Variants in ZNF438 observed in about 807,000 individuals in gnomAD.
ZNF438 encodes the protein zinc finger protein 438.
ZNF438 carries 25 observed loss-of-function variants against 38.0 expected under a neutral mutation model. That is an observed-to-expected ratio of 0.66 (90% CI 0.48 to 0.92). The LOEUF (loss-of-function observed/expected upper bound fraction) is 0.92, where lower values mean the gene tolerates loss of function less well. ZNF438 is among the 40% of genes least tolerant of loss of function. The probability of loss-of-function intolerance (pLI) is 0.00; values close to 1 mark genes in which losing one functional copy is unlikely to be tolerated. For synonymous variants in ZNF438, 372 were observed against 364.1 expected (o/e 1.02, Z -0.25); for missense variants, 1,007 against 999.6 (o/e 1.01, Z -0.10).
intron 1 of ZNF438, among the ~76,000 whole-genome samples, chr10:30,946,221 G>C (rs2047393468): frequency 1.3e-5 from 2 of 152,064 alleles, no homozygotes; most frequent in Non-Finnish European, 2.9e-5. Context: ...TTAAACATTA[G>C]ACCTAAAACC....
intron 3 of ZNF438, among the ~76,000 whole-genome samples, chr10:30,900,528 CCAAA>C (rs1220779553): frequency 6.6e-6 from 1 of 152,192 alleles, no homozygotes; most frequent in Non-Finnish European, 1.5e-5. Context: ...TACTATGGCT[CCAAA>C]CAGTGTTCTA....
exon 5 of ZNF438, chr10:30,849,926 G>C: frequency 6.2e-7 from 1 of 1,614,178 alleles, no homozygotes; most frequent in Non-Finnish European, 8.5e-7. Context: ...TGGGGAAGGG[G>C]ACATCTGAGG....
At chr10:31,007,249 G>A (rs936287220) in intron 1 of ZNF438, among the ~76,000 whole-genome samples, 2 of 137,178 alleles carry the variant, frequency 1.5e-5, no homozygotes, top group African/African-American at 5.4e-5. Flanking sequence ...AATTTGTGTT[G>A]TTTTAAGTCA....
chr10:30,994,386 T>C (rs900746376), intron 1 of ZNF438, among the ~76,000 whole-genome samples: 5 of 152,194 alleles, frequency 3.3e-5, no homozygotes, highest in Non-Finnish European at 7.3e-5. Flanking sequence ...AGGGTTCTGC[T>C]CTCATGAATG....
At chr10:30,882,496 T>A (rs897558228) in intron 3 of ZNF438, among the ~76,000 whole-genome samples, 5 of 152,152 alleles carry the variant, frequency 3.3e-5, no homozygotes, top group Non-Finnish European at 7.4e-5. Flanking sequence ...AAACATACAA[T>A]GGAACATTAC....
chr10:31,025,433 G>A (rs189754376), intron 1 of ZNF438, among the ~76,000 whole-genome samples: 6 of 152,288 alleles, frequency 3.9e-5, no homozygotes, highest in African/African-American at 1.2e-4. Context: ...GTGTTGGAAA[G>A]TAAAAAATCA....
Position 30,958,581 on chromosome 10 carries a change from T to C in ZNF438, c.-191-16930A>G, listed in dbSNP as rs1386395999. Among the ~76,000 whole-genome samples the C allele has an allele frequency of 4.1e-5, 6 of 147,128 alleles. 1 individual carries two copies. The highest frequency in any genetic ancestry group is 1.9e-4 in the East Asian group (1 of 5,184). ...AATTTATATGCCATAAAATTAATCATTGTCCATTGAACAGGGGACAGTTCA... is the reference window on the plus strand; with the variant it reads ...AATTTATATGCCATAAAATTAATCACTGTCCATTGAACAGGGGACAGTTCA... On this transcript the variant is annotated intron_variant, in intron 1 of 5. Transcript: ENST00000413025.
intron 3 of ZNF438, among the ~76,000 whole-genome samples, chr10:30,887,914 C>G (rs897326157): frequency 6.6e-6 from 1 of 152,194 alleles, no homozygotes; most frequent in African/African-American, 2.4e-5. Context: ...AATTTCCTGT[C>G]ATTTCATATA....
chr10:30,883,994 G>A (rs950778607), intron 3 of ZNF438, among the ~76,000 whole-genome samples: 1 of 152,014 alleles, frequency 6.6e-6, no homozygotes, highest in Non-Finnish European at 1.5e-5. Context: ...CTCTCAGCGG[G>A]GCATTAAAGT....
At chr10:31,009,111 CTTT>C (rs927841713) in intron 1 of ZNF438, among the ~76,000 whole-genome samples, 1 of 152,062 alleles carries the variant, frequency 6.6e-6, no homozygotes, top group Admixed American at 6.6e-5. Context: ...GTATTTTTGT[CTTT>C]TTAATATTGA....
intron 1 of ZNF438, among the ~76,000 whole-genome samples, chr10:30,956,004 C>T (rs536495402): frequency 6.6e-6 from 1 of 152,232 alleles, no homozygotes; most frequent in South Asian, 2.1e-4. Context: ...ATTTTTCAAA[C>T]ACAATATACT....
At chr10:30,868,746 G>T (rs1691991002) in intron 4 of ZNF438, among the ~76,000 whole-genome samples, 1 of 152,198 alleles carries the variant, frequency 6.6e-6, no homozygotes, top group South Asian at 2.1e-4. Flanking sequence ...ATTGCAAATG[G>T]TCTCAGGGGC....
rs904733688 is a variant in ZNF438 at position 30,931,405 on chromosome 10, T to C, written c.-115+10170A>G. ...TTCATAAACTGGTTTGAGCTGGCTT[T>C]CTTTCATTTGCAACTGAAGCAGTCC... On this transcript the variant is annotated intron_variant, in intron 2 of 5. Coordinates refer to ENST00000413025, the Ensembl canonical transcript of ZNF438. 2.6e-5 allele frequency among the ~76,000 whole-genome samples: 4 copies of C among 152,358 alleles called. 1 individual carries two copies. Among genetic ancestry groups the C allele is most frequent in the Middle Eastern group, 6.8e-3 (2 of 294 alleles).
intron 1 of ZNF438, among the ~76,000 whole-genome samples, chr10:30,984,131 C>A (rs1364393803): frequency 6.6e-6 from 1 of 152,070 alleles, no homozygotes; most frequent in Admixed American, 6.5e-5. Context: ...ACAATATCTT[C>A]ATTGTAATTA....
At chr10:30,965,324 ACAC>A (rs2049983635) in intron 1 of ZNF438, among the ~76,000 whole-genome samples, 1 of 152,224 alleles carries the variant, frequency 6.6e-6, no homozygotes, top group African/African-American at 2.4e-5. Context: ...CAATTCTTAT[ACAC>A]TGCTGGTGGG....
chr10:30,870,581 T>C (rs1564531318), intron 4 of ZNF438, among the ~76,000 whole-genome samples: 1 of 152,202 alleles, frequency 6.6e-6, no homozygotes, highest in Non-Finnish European at 1.5e-5. Context: ...GAAGCTTTGT[T>C]GGGGCATGAG....
intron 1 of ZNF438, among the ~76,000 whole-genome samples, chr10:30,970,125 CACACACACACACACACACATAT>C (rs1483906475): frequency 6.6e-6 from 1 of 151,568 alleles, no homozygotes; most frequent in Non-Finnish European, 1.5e-5. Context: ...CACACACACA[CACACACACACACACACACATAT>C]ACACACACAC....
chr10:30,975,578 G>A (rs2136303374), intron 1 of ZNF438, among the ~76,000 whole-genome samples: 1 of 152,230 alleles, frequency 6.6e-6, no homozygotes, highest in African/African-American at 2.4e-5. Context: ...CTTAGACTTT[G>A]CTACAGAAAA....
chr10:30,993,798 C>G (rs915331078), intron 1 of ZNF438, among the ~76,000 whole-genome samples: 1 of 152,268 alleles, frequency 6.6e-6, no homozygotes, highest in Non-Finnish European at 1.5e-5. Context: ...CCTACAAGGG[C>G]TGACATATGG....
Sources: gnomAD v4.1 joint callset for allele counts (sites outside exome capture counted in the v4.1 genomes callset) on GRCh38, gnomAD v4.1.1 for gene constraint, MANE v1.5 for transcripts, NCBI Gene and HGNC (gene_info 2026-07-23, HGNC 2026-07-21) for gene names.